Variants in HEBP1 observed in about 807,000 individuals in gnomAD.
HEBP1 encodes the protein heme-binding protein 1.
Under a neutral mutation model 20.4 loss-of-function variants are expected in HEBP1, and 13 were observed. That is an observed-to-expected ratio of 0.64 (90% confidence interval 0.42 to 1.01). The LOEUF is 1.01. Among genes scored for constraint, HEBP1 ranks in the 50% least tolerant of loss-of-function variants. The probability of loss-of-function intolerance (pLI) is 0.00; values close to 1 mark genes in which losing one functional copy is unlikely to be tolerated. For missense variants in HEBP1, 241 were observed against 247.3 expected (o/e 0.97, Z 0.17); for synonymous variants, 92 against 90.7 (o/e 1.01, Z -0.08).
At chr12:12,990,378 A>G (rs939152380) in intron 1 of HEBP1, among the ~76,000 whole-genome samples, 2 of 148,636 alleles carry the variant, frequency 1.3e-5, no homozygotes, top group South Asian at 2.1e-4. Flanking sequence ...GAGTCTCCCT[A>G]TGTTGTACAG....
rs1864289102 is a variant in HEBP1, at chr12:12,996,296, T to A, written c.78+3741A>T. 6.6e-6 allele frequency among the ~76,000 whole-genome samples: 1 copy of A among 152,208 alleles called. No homozygotes were observed. The highest frequency in any genetic ancestry group is 2.4e-5 in the African/African-American group (1 of 41,444). ...AGCCAGGCTATCAGGTCCTAACCTGTGTGCACAGGCCGGACACAAATCTGA... is the reference window on the plus strand; with the variant it reads ...AGCCAGGCTATCAGGTCCTAACCTGAGTGCACAGGCCGGACACAAATCTGA... On this transcript the variant is annotated intron_variant, in intron 1 of 3. Coordinates refer to ENST00000014930, the MANE Select transcript of HEBP1 (RefSeq NM_015987.5). The surrounding 1 kb of genome is among the most constrained non-coding windows in gnomAD (Gnocchi z 4.1).
intron 3 of HEBP1, among the ~76,000 whole-genome samples, chr12:12,981,211 A>T (rs1445965697): frequency 1.3e-5 from 2 of 152,152 alleles, no homozygotes; most frequent in African/African-American, 4.8e-5. Flanking sequence ...GAGGGAGGGG[A>T]CCATCACTAA....
At chr12:12,981,289 T>A (rs765628732) in intron 3 of HEBP1, among the ~76,000 whole-genome samples, 27 of 152,148 alleles carry the variant, frequency 1.8e-4, no homozygotes, top group Non-Finnish European at 2.9e-4. Flanking sequence ...CATGCTGATT[T>A]GGGAGATACT....
chr12:12,993,480 TC>T (rs1864252116), intron 1 of HEBP1, among the ~76,000 whole-genome samples: 2 of 143,302 alleles, frequency 1.4e-5, no homozygotes. Flanking sequence ...TTTTTTTTTT[TC>T]TTTTCCTCTC....
intron 1 of HEBP1, among the ~76,000 whole-genome samples, chr12:12,990,167 TTTTA>T (rs576306438): frequency 4.0e-5 from 6 of 151,022 alleles, no homozygotes; most frequent in East Asian, 1.9e-4. Context: ...CACACATGTA[TTTTA>T]TTTATTTATT....
At position 12,991,594 on chromosome 12, in the gene HEBP1, T is replaced by C. The variant is rs1464670700; in HGVS notation, c.79-2179A>G. Among the ~76,000 whole-genome samples the C allele has an allele frequency of 2.6e-5, 4 of 152,350 alleles. No individual in the cohort carries two copies. In the East Asian group the frequency reaches 7.7e-4, roughly 29 times the overall value. On this transcript the variant is annotated intron_variant, in intron 1 of 3. Coordinates refer to ENST00000014930, the MANE Select transcript of HEBP1 (RefSeq NM_015987.5). Reference sequence around the variant, plus strand: ...CCTTGCCACGTGATTGCTCATATAATTTAATTTTGTATTCCTGGACATACT... The same window carrying C: ...CCTTGCCACGTGATTGCTCATATAACTTAATTTTGTATTCCTGGACATACT...
chr12:13,000,231 A>T lies in HEBP1; in HGVS notation c.-117T>A. On this transcript the variant is annotated 5_prime_UTR_variant, in exon 1 of 4. Coordinates refer to ENST00000014930, the MANE Select transcript of HEBP1 (RefSeq NM_015987.5). ...CAGGGCGGCAGGGCGGCAGGGCGGC[A>T]GGGTGGCAGGGCGGCAAGGCGGCGG... 2.7e-6 allele frequency: 1 copy of T among 371,536 alleles called. No individual in the cohort carries two copies. 23.0% of individuals were successfully genotyped at this position (371,536 alleles called of 1,614,324 possible). A position where few individuals can be genotyped will look rare whatever the true frequency, so the allele number is the denominator to read the frequency against.
intron 3 of HEBP1, 57 bp from the exon 4 acceptor site, chr12:12,975,536 G>C (rs1171653946): frequency 1.4e-6 from 2 of 1,476,154 alleles, no homozygotes; most frequent in South Asian, 1.3e-5. Context: ...GAGAGAGGGG[G>C]GATCTTTAGA....
At chr12:12,987,072 G>T in intron 3 of HEBP1, 80 bp downstream of exon 3, 1 of 1,148,430 alleles carries the variant, frequency 8.7e-7, no homozygotes, top group Non-Finnish European at 1.2e-6. Context: ...AATTTGACGC[G>T]AATGCTTGCC....
chr12:12,987,607 TC>T lies in HEBP1; in HGVS notation c.218-276del, dbSNP rs1225611870. ...CAGTCTCTTTCTCTCTCTCTCTCTC[TC>T]TCTTTCTCTCTCTCTCTCTCTCTCT... On this transcript the variant is annotated intron_variant, in intron 2 of 3. Coordinates refer to ENST00000014930, the MANE Select transcript of HEBP1 (RefSeq NM_015987.5). Among the ~76,000 whole-genome samples the T allele has an allele frequency of 2.2e-3, 290 of 134,682 alleles. 2 individuals are homozygous for T. The highest frequency in any genetic ancestry group is 7.3e-3 in the African/African-American group (278 of 38,334). The allele number at this position is 134,682 out of a possible 152,430, so 88.4% of individuals were successfully genotyped here.
chr12:12,999,821 C>G (rs890229922), intron 1 of HEBP1, among the ~76,000 whole-genome samples: 1 of 152,246 alleles, frequency 6.6e-6, no homozygotes, highest in Admixed American at 6.5e-5. Context: ...CTGTTTACCC[C>G]CCTCCTCTCA....
chr12:12,978,722 A>G (rs904525747), intron 3 of HEBP1, among the ~76,000 whole-genome samples: 4 of 152,032 alleles, frequency 2.6e-5, no homozygotes, highest in Admixed American at 6.6e-5. Flanking sequence ...GGAAGAGAGG[A>G]TTCTCCAGGG....
intron 1 of HEBP1, among the ~76,000 whole-genome samples, chr12:12,999,386 G>C (rs577681786): frequency 5.3e-5 from 8 of 152,302 alleles, no homozygotes; most frequent in African/African-American, 1.9e-4. Flanking sequence ...GTAAAATAAG[G>C]GTTACTTCAA....
At chr12:12,989,476 G>A in intron 1 of HEBP1, 61 bp from the exon 2 acceptor site, 2 of 1,572,108 alleles carry the variant, frequency 1.3e-6, no homozygotes, top group Non-Finnish European at 1.7e-6. Flanking sequence ...GATGTCTCTA[G>A]AAGTAGTAAC....
chr12:12,989,110 C>G (rs922285073), intron 2 of HEBP1, among the ~76,000 whole-genome samples, 167 bp downstream of exon 2: 4 of 152,248 alleles, frequency 2.6e-5, no homozygotes, highest in Non-Finnish European at 5.9e-5. Context: ...GGTTTCCCCA[C>G]ATTCCTGCAA....
chr12:12,995,002 C>T (rs1864273718), intron 1 of HEBP1, among the ~76,000 whole-genome samples: 1 of 152,190 alleles, frequency 6.6e-6, no homozygotes, highest in Non-Finnish European at 1.5e-5. Flanking sequence ...TGAGCTTCTA[C>T]CTACGTTGCC....
rs563503489 is a variant in HEBP1 at position 12,987,106 on chromosome 12, G to A, written c.398+46C>T. On this transcript the variant is annotated intron_variant, in intron 3 of 3. Transcript: ENST00000014930. Reference sequence around the variant, plus strand: ...CCAGAGGTGATGCAAGGAGTGGTACGGGAATCAAGCGCCACCCATGGATGC... The same window carrying A: ...CCAGAGGTGATGCAAGGAGTGGTACAGGAATCAAGCGCCACCCATGGATGC... 6.6e-6 allele frequency: 10 copies of A among 1,519,214 alleles called. No individual in the cohort carries two copies. In the East Asian group the frequency reaches 1.4e-4, roughly 21 times the overall value. 94.1% of individuals were successfully genotyped at this position (1,519,214 alleles called of 1,614,324 possible).
At chr12:12,977,294 C>T (rs909198506) in intron 3 of HEBP1, 9 of 152,364 alleles carry the variant, frequency 5.9e-5, no homozygotes, top group Non-Finnish European at 8.8e-5. Context: ...AACTGCTCAG[C>T]GCAGAGCCTG....
At position 12,989,293 on chromosome 12, in the gene HEBP1, C is replaced by T. The variant is rs747842976; in HGVS notation, c.201G>A (p.Gly67=). Residue 67 remains glycine, a synonymous_variant, in exon 2 of 4, where the codon GGG becomes GGA. Transcript: ENST00000014930. The part of the protein sequence containing the change: ...EAMPKVAKYA[G]GTNDKGIGMG... Reference sequence around the variant, plus strand: ...GGTACTCACCCTTGTCATTGGTGCCCCCCGCATACTTTGCGACCTTGGGCA... The same window carrying T: ...GGTACTCACCCTTGTCATTGGTGCCTCCCGCATACTTTGCGACCTTGGGCA... 7 of 1,614,074 alleles carry T rather than the reference C, an allele frequency of 4.3e-6. No individual in the cohort carries two copies. The highest frequency in any genetic ancestry group is 1.3e-5 in the African/African-American group (1 of 75,030).
Sources: gnomAD v4.1 joint callset for allele counts (sites outside exome capture counted in the v4.1 genomes callset) on GRCh38, gnomAD v4.1.1 for gene constraint, Gnocchi (gnomAD v3.1) non-coding constraint, MANE v1.5 for transcripts, NCBI Gene and HGNC (gene_info 2026-07-23, HGNC 2026-07-21) for gene names.